Variants in IGDCC3 observed in about 807,000 individuals in gnomAD.
IGDCC3 encodes the protein putative neuronal cell adhesion molecule.
In IGDCC3, 47 loss-of-function variants were observed where a neutral mutation model predicts 72.0. The observed-to-expected ratio is 0.65, with a 90% CI of 0.52 to 0.83. IGDCC3 has a LOEUF of 0.83. Ranked by LOEUF, IGDCC3 falls within the 40% of genes least tolerant of loss-of-function variation. The pLI, the probability that IGDCC3 is intolerant of heterozygous loss-of-function variation, is 0.00. For missense variants in IGDCC3, 1,038 were observed against 1,091.3 expected (o/e 0.95, Z 0.69); for synonymous variants, 477 against 472.8 (o/e 1.01, Z -0.11).
At chr15:65,348,988 T>C (rs1176506673) in intron 2 of IGDCC3, among the ~76,000 whole-genome samples, 1 of 152,206 alleles carries the variant, frequency 6.6e-6, no homozygotes, top group Non-Finnish European at 1.5e-5. Context: ...TCAGTGTCAC[T>C]GCAATGGGTG....
chr15:65,367,702 G>T (rs1334773932), intron 2 of IGDCC3, among the ~76,000 whole-genome samples: 1 of 151,982 alleles, frequency 6.6e-6, no homozygotes, highest in East Asian at 1.9e-4. Flanking sequence ...TTGGGTAAGG[G>T]TCAGTCCCTT....
chr15:65,338,319 C>T (rs1256574045), intron 2 of IGDCC3, among the ~76,000 whole-genome samples: 1 of 152,198 alleles, frequency 6.6e-6, no homozygotes, highest in Non-Finnish European at 1.5e-5. Context: ...TGAAGGGTAG[C>T]TTTGCCTTTA....
Position 65,328,799 on chromosome 15 carries a change from TG to T in IGDCC3, c.*109del. 1 of 1,343,228 alleles carries T rather than the reference TG, an allele frequency of 7.4e-7. No individual in the cohort carries two copies. Among genetic ancestry groups the T allele is most frequent in the Non-Finnish European group, 9.8e-7 (1 of 1,018,804 alleles). 83.2% of individuals were successfully genotyped at this position (1,343,228 alleles called of 1,614,324 possible). A position where few individuals can be genotyped will look rare whatever the true frequency, so the allele number is the denominator to read the frequency against. ...ACCCAAGAGGCAGTCAGGATAGAAA[TG>T]CTGGGGAGCCCCCAGGACCATCCAA... On this transcript the variant is annotated 3_prime_UTR_variant, in exon 14 of 14. Transcript: ENST00000327987.
In IGDCC3 at chr15:65,328,734, G is replaced by C; in HGVS notation, c.*175C>G. The C allele has an allele frequency of 1.4e-6, 1 of 689,740 alleles. No homozygotes were observed. The highest frequency in any genetic ancestry group is 1.9e-5 in the African/African-American group (1 of 53,818). 42.7% of individuals were successfully genotyped at this position (689,740 alleles called of 1,614,324 possible). On this transcript the variant is annotated 3_prime_UTR_variant, in exon 14 of 14. Coordinates refer to ENST00000327987, the MANE Select transcript of IGDCC3 (RefSeq NM_004884.4). ...TGCTCCAACTCCTGATGGGTGTTAG[G>C]GCCGGGGGGTCCCTGTCAAGGCTGC...
At chr15:65,354,668 T>A (rs1321678217) in intron 2 of IGDCC3, among the ~76,000 whole-genome samples, 2 of 152,198 alleles carry the variant, frequency 1.3e-5, no homozygotes, top group African/African-American at 4.8e-5. Flanking sequence ...CCTCATAAAC[T>A]GTTCCCTGAA....
rs750296917 is a variant in IGDCC3, at chr15:65,375,107, G to A, written c.399C>T (p.Ile133=). 3.7e-6 allele frequency: 6 copies of A among 1,612,414 alleles called. No homozygotes were observed. The highest frequency in any genetic ancestry group is 3.3e-5 in the South Asian group (3 of 91,026). Reference sequence around the variant, plus strand: ...GGGATATCCACTTACTTGCAGCTTGGATGCGAGCCTTCCGGCTGACCACCA... The same window carrying A: ...GGGATATCCACTTACTTGCAGCTTGAATGCGAGCCTTCCGGCTGACCACCA... ...FGLVVSRKAR[I]QAATMSDFHV... The change falls in exon 2 of 14, where the codon ATC becomes ATT. Residue 133 remains isoleucine, a synonymous_variant. Transcript: ENST00000327987.
In IGDCC3 at chr15:65,329,619, G is replaced by T. The variant is rs374417453; in HGVS notation, c.1998-22C>A. The T allele has an allele frequency of 1.2e-5, 20 of 1,612,668 alleles. No homozygotes were observed. The highest frequency in any genetic ancestry group is 4.0e-5 in the African/African-American group (3 of 74,996). ...GACCCTAAGGGTTAGCCAAGAGTTG[G>T]GGGGAGGGAGAGAGAAAAGAGACAG... On this transcript the variant is annotated intron_variant, in intron 12 of 13. Coordinates refer to ENST00000327987, the MANE Select transcript of IGDCC3 (RefSeq NM_004884.4). This position sits in a 1 kb window ranked among gnomAD's most constrained non-coding sequence, Gnocchi z 4.1.
intron 2 of IGDCC3, among the ~76,000 whole-genome samples, chr15:65,337,727 G>A (rs2141038961): frequency 6.6e-6 from 1 of 152,254 alleles, no homozygotes; most frequent in Non-Finnish European, 1.5e-5. Context: ...GCAACTGGAT[G>A]CCATGAGCCC....
Position 65,329,106 on chromosome 15 carries a change from A to T in IGDCC3, c.2248T>A (p.Ser750Thr). Residue 750 changes from serine (S) to threonine (T), a missense_variant, in exon 14 of 14, where the codon TCC (serine) becomes ACC (threonine). By Grantham distance (58) the Ser-to-Thr change is moderately conservative. Coordinates refer to ENST00000327987, the MANE Select transcript of IGDCC3 (RefSeq NM_004884.4). The surrounding 1 kb of genome is among the most constrained non-coding windows in gnomAD (Gnocchi z 4.1). ...APAPCEETQL[S>T]VLPLQGCGLM... ...CCGCACCCCTGAAGTGGCAGCACGG[A>T]GAGCTGGGTCTCCTCACACGGAGCG... 6.2e-7 allele frequency: 1 copy of T among 1,610,392 alleles called. No individual in the cohort carries two copies. Among genetic ancestry groups the T allele is most frequent in the Non-Finnish European group, 8.5e-7 (1 of 1,178,890 alleles).
intron 4 of IGDCC3, 83 bp from the exon 5 acceptor site, chr15:65,334,948 G>C: frequency 1.4e-6 from 2 of 1,457,970 alleles, no homozygotes; most frequent in South Asian, 2.8e-5. Context: ...GGACACAGCG[G>C]GTGGGAAACA....
intron 2 of IGDCC3, among the ~76,000 whole-genome samples, chr15:65,349,401 T>TTC (rs141708888): frequency 0.017 from 2,592 of 152,260 alleles, 72 homozygotes; most frequent in African/African-American, 0.059. Flanking sequence ...GATTTTGGGT[T>TTC]TCTCTCTCTC....
chr15:65,343,433 C>A (rs1274656282), intron 2 of IGDCC3, among the ~76,000 whole-genome samples: 1 of 151,974 alleles, frequency 6.6e-6, no homozygotes, highest in East Asian at 1.9e-4. Flanking sequence ...CGGGGGCGAG[C>A]AGCAGGGTAT....
At chr15:65,337,338 T>A (rs2091039247) in intron 2 of IGDCC3, among the ~76,000 whole-genome samples, 1 of 152,236 alleles carries the variant, frequency 6.6e-6, no homozygotes, top group Non-Finnish European at 1.5e-5. Context: ...TGCGCCTCTT[T>A]GTACATGTGT....
intron 2 of IGDCC3, among the ~76,000 whole-genome samples, chr15:65,361,003 C>G (rs982869788): frequency 4.6e-5 from 7 of 152,124 alleles, no homozygotes; most frequent in African/African-American, 1.7e-4. Flanking sequence ...TCTTGAACTC[C>G]TGACTCAAAT....
rs749325757 is a variant in IGDCC3 at position 65,331,974 on chromosome 15, G to A, written c.1115C>T (p.Pro372Leu). 2.5e-6 allele frequency: 4 copies of A among 1,613,928 alleles called. No individual in the cohort carries two copies. The highest frequency in any genetic ancestry group is 3.3e-5 in the Admixed American group (2 of 59,994). ...TWLKNGQVLG[P>L]GGHVRLKNNN... ...ATTCTTGAGCCTGACGTGGCCTCCT[G>A]GCCCCAGCACCTGTCCATTTTTCAG... Residue 372 changes from proline (P) to leucine (L), a missense_variant, in exon 7 of 14, where the codon CCA (proline) becomes CTA (leucine). Coordinates refer to ENST00000327987, the MANE Select transcript of IGDCC3 (RefSeq NM_004884.4).
rs576139252 is a variant in IGDCC3 at position 65,327,918 on chromosome 15, A to G, written c.*991T>C. ...TCCCAAGCCCAGGTTCCTCATGGGC[A>G]TCCCCATCAAGGATGGGCTGGCTCA... On this transcript the variant is annotated 3_prime_UTR_variant, in exon 14 of 14. Coordinates refer to ENST00000327987, the MANE Select transcript of IGDCC3 (RefSeq NM_004884.4). 6.5e-6 allele frequency: 1 copy of G among 152,860 alleles called. No individual in the cohort carries two copies. The highest frequency in any genetic ancestry group is 2.1e-4 in the South Asian group (1 of 4,832). The allele number at this position is 152,860 out of a possible 1,614,324, so 9.5% of individuals were successfully genotyped here.
At chr15:65,353,073 T>C (rs1210174570) in intron 2 of IGDCC3, among the ~76,000 whole-genome samples, 1 of 152,320 alleles carries the variant, frequency 6.6e-6, no homozygotes, top group East Asian at 1.9e-4. Flanking sequence ...GTTCCAATAG[T>C]TGCCCAGTTA....
intron 2 of IGDCC3, among the ~76,000 whole-genome samples, chr15:65,367,736 T>C (rs2091296802): frequency 6.6e-6 from 1 of 151,936 alleles, no homozygotes; most frequent in Non-Finnish European, 1.5e-5. Context: ...AAATTATCTA[T>C]CACCTCCTCT....
Position 65,377,562 on chromosome 15 carries a change from G to T in IGDCC3, c.103+124C>A. 1.0e-6 allele frequency: 1 copy of T among 991,746 alleles called. No homozygotes were observed. Among genetic ancestry groups the T allele is most frequent in the Non-Finnish European group, 1.3e-6 (1 of 768,098 alleles). The allele number at this position is 991,746 out of a possible 1,614,324, so 61.4% of individuals were successfully genotyped here. On this transcript the variant is annotated intron_variant, in intron 1 of 13. Coordinates refer to ENST00000327987, the MANE Select transcript of IGDCC3 (RefSeq NM_004884.4). This position sits in a 1 kb window ranked among gnomAD's most constrained non-coding sequence, Gnocchi z 4.9. ...CGTCCGGATCCGCAGGGTCCCCCCC[G>T]CGCGGGGTCCGCCCTCAGGTCCGCG... is the stretch of plus-strand genomic sequence containing the variant.
Sources: allele counts gnomAD v4.1 joint callset (sites outside exome capture counted in the v4.1 genomes callset), GRCh38; gene constraint gnomAD v4.1.1; non-coding constraint Gnocchi (gnomAD v3.1); transcripts MANE v1.5; gene names NCBI Gene and HGNC (gene_info 2026-07-23, HGNC 2026-07-21).